Variants in FAAP100 observed in about 807,000 individuals in gnomAD.
FAAP100 encodes FA core complex associated protein 100, also known as Fanconi anemia core complex-associated protein 100.
Under a neutral mutation model 65.8 loss-of-function variants are expected in FAAP100, and 46 were observed. That is an observed-to-expected ratio of 0.70 (90% CI 0.55 to 0.89). FAAP100 has a LOEUF of 0.89. FAAP100 is among the 40% of genes least tolerant of loss of function. The pLI is 0.00. For missense variants in FAAP100, 1,165 were observed against 1,196.7 expected (o/e 0.97, Z 0.39); for synonymous variants, 663 against 555.1 (o/e 1.19, Z -2.73).
intron 3 of FAAP100, among the ~76,000 whole-genome samples, chr17:81,549,746 G>A (rs1182599505): frequency 1.3e-5 from 2 of 152,318 alleles, no homozygotes; most frequent in East Asian, 1.9e-4. Context: ...CCAACACTGG[G>A]CACACACAGC....
chr17:81,542,816 G>A (rs1394424094), intron 7 of FAAP100, among the ~76,000 whole-genome samples: 1 of 152,220 alleles, frequency 6.6e-6, no homozygotes, highest in African/African-American at 2.4e-5. Flanking sequence ...GGGATATCTG[G>A]ACACAAACCC....
chr17:81,551,565 G>A (rs2033495845), intron 2 of FAAP100, among the ~76,000 whole-genome samples: 1 of 152,212 alleles, frequency 6.6e-6, no homozygotes, highest in African/African-American at 2.4e-5. Context: ...CAACCCAGAT[G>A]GTGTCCACTG....
intron 6 of FAAP100, 80 bp from the exon 7 acceptor site, chr17:81,544,200 C>G: frequency 8.3e-7 from 1 of 1,201,728 alleles, no homozygotes; most frequent in South Asian, 1.3e-5. Flanking sequence ...AGGAGCCTCC[C>G]CAGCTGGCAG....
At position 81,540,318 on chromosome 17, in the gene FAAP100, C is replaced by T. The variant is rs1568087958; in HGVS notation, c.*501G>A. On this transcript the variant is annotated 3_prime_UTR_variant, in exon 9 of 9. Transcript: ENST00000327787. ...GAGTGGGCAGCCGGGCAGGTGTGAACAGTGTGACAAGGGTACCGTGGGGCA... is the reference window on the plus strand; with the variant it reads ...GAGTGGGCAGCCGGGCAGGTGTGAATAGTGTGACAAGGGTACCGTGGGGCA... The T allele has an allele frequency of 7.5e-6, 3 of 399,730 alleles. No individual in the cohort carries two copies. The highest frequency in any genetic ancestry group is 1.3e-5 in the Non-Finnish European group (3 of 226,706). The allele number at this position is 399,730 out of a possible 1,614,324, so 24.8% of individuals were successfully genotyped here.
chr17:81,550,196 A>C, intron 3 of FAAP100, 52 bp downstream of exon 3: 2 of 1,495,394 alleles, frequency 1.3e-6, no homozygotes, highest in Non-Finnish European at 1.8e-6. Flanking sequence ...GACAGCCAAA[A>C]AGGGTGCTCC....
intron 7 of FAAP100, among the ~76,000 whole-genome samples, chr17:81,541,716 T>G (rs1210766526): frequency 6.6e-6 from 1 of 152,070 alleles, no homozygotes; most frequent in African/African-American, 2.4e-5. Flanking sequence ...CGCCCCCTTC[T>G]CCCATCCTGG....
At position 81,547,090 on chromosome 17, in the gene FAAP100, C is replaced by G; in HGVS notation, c.1992G>C (p.Arg664=). The G allele has an allele frequency of 2.6e-6, 4 of 1,533,272 alleles. No individual in the cohort carries two copies. The highest frequency in any genetic ancestry group is 3.5e-6 in the Non-Finnish European group (4 of 1,140,262). The allele number at this position is 1,533,272 out of a possible 1,614,324, so 95.0% of individuals were successfully genotyped here. A position where few individuals can be genotyped will look rare whatever the true frequency, so the allele number is the denominator to read the frequency against. The change falls in exon 5 of 9, where the codon CGG becomes CGC. Residue 664 remains arginine (R), a synonymous_variant. Transcript: ENST00000327787. ...GGGTGGGGCCGAGTGGGGAGGGGGC[C>G]CGTGTGTGTGGCGGGGCCAGGCCAG... ...RFPGLAPPHT[R]APSPLGPTRD...
chr17:81,545,198 G>A (rs2033255729), intron 6 of FAAP100, among the ~76,000 whole-genome samples: 1 of 152,218 alleles, frequency 6.6e-6, no homozygotes, highest in Non-Finnish European at 1.5e-5. Context: ...TGCAGACTCT[G>A]AGCCCCAGGC....
intron 4 of FAAP100, 72 bp downstream of exon 4, chr17:81,549,134 A>AC (rs1934963994): frequency 1.9e-6 from 3 of 1,550,626 alleles, no homozygotes; most frequent in Non-Finnish European, 2.6e-6. Context: ...ACCCAGGACG[A>AC]CCCCACACAG....
chr17:81,551,453 C>T (rs1455381484), intron 2 of FAAP100, among the ~76,000 whole-genome samples: 4 of 152,350 alleles, frequency 2.6e-5, no homozygotes, highest in African/African-American at 9.6e-5. Context: ...GAGGCCCAGG[C>T]TGCAAAGTGC....
chr17:81,546,022 A>G, intron 5 of FAAP100, 140 bp from the exon 6 acceptor site: 3 of 1,186,958 alleles, frequency 2.5e-6, no homozygotes, highest in East Asian at 5.6e-5. Context: ...CCCCAGCCCC[A>G]CCCTAAGCTG....
rs764780506 is a variant in FAAP100, at chr17:81,550,975, C to T, written c.519G>A (p.Val173=). The change falls in exon 3 of 9, where the codon GTG becomes GTA. Residue 173 remains valine, a synonymous_variant. Coordinates refer to ENST00000327787, the MANE Select transcript of FAAP100 (RefSeq NM_025161.6). ...DPRPGGQIGE[V]ELSSYTPPAG... ...CTGGGGGCGTGTAGGAGGACAGCTC[C>T]ACCTCACCGATCTGGCCTCCTGGCC... 1 of 1,612,024 alleles carries T rather than the reference C, an allele frequency of 6.2e-7. No homozygotes were observed.
At chr17:81,549,492 G>C in intron 3 of FAAP100, 130 bp from the exon 4 acceptor site, 3 of 1,222,604 alleles carry the variant, frequency 2.5e-6, no homozygotes, top group Non-Finnish European at 3.3e-6. Context: ...GTGAGGAAGA[G>C]AAAGTCCCAA....
In FAAP100 at chr17:81,550,709, C is replaced by G; in HGVS notation, c.785G>C (p.Arg262Thr). The change falls in exon 3 of 9, where the codon AGG (arginine) becomes ACG (threonine). Residue 262 changes from arginine to threonine, a missense_variant. Arg to Thr is a moderately conservative substitution (Grantham distance 71). Transcript: ENST00000327787. ...GGCATTTGGGTCACCAGGGGCTGAC[C>G]TGGAGGTGACCAGGGCCTTCAGGAT... ...CVILKALVTS[R>T]SAPGDPNALV... The G allele has an allele frequency of 6.2e-7, 1 of 1,612,956 alleles. No individual in the cohort carries two copies. Among genetic ancestry groups the G allele is most frequent in the Middle Eastern group, 1.6e-4 (1 of 6,062 alleles).
chr17:81,543,602 G>A (rs1237845168), intron 7 of FAAP100, among the ~76,000 whole-genome samples: 1 of 152,144 alleles, frequency 6.6e-6, no homozygotes, highest in Non-Finnish European at 1.5e-5. Flanking sequence ...AAGATGTGGA[G>A]GCTCCTACCA....
intron 3 of FAAP100, among the ~76,000 whole-genome samples, chr17:81,549,587 G>A (rs893848687): frequency 2.6e-5 from 4 of 152,182 alleles, no homozygotes; most frequent in Non-Finnish European, 5.9e-5. Flanking sequence ...CCTCTCTTCC[G>A]CAGTGGAGAC....
chr17:81,549,517 C>T (rs1161321919), intron 3 of FAAP100, among the ~76,000 whole-genome samples, 155 bp from the exon 4 acceptor site: 1 of 152,260 alleles, frequency 6.6e-6, no homozygotes, highest in Admixed American at 6.5e-5. Context: ...AATGCACTGT[C>T]CCGACCCTGG....
In FAAP100 at chr17:81,544,011, C is replaced by A. The variant is rs553527803; in HGVS notation, c.2420G>T (p.Arg807Leu). 6.2e-7 allele frequency: 1 copy of A among 1,611,272 alleles called. No individual in the cohort carries two copies. Among genetic ancestry groups the A allele is most frequent in the Non-Finnish European group, 8.5e-7 (1 of 1,178,930 alleles). ...CCCAGCGGGCCGACATACCTGCATG[C>A]GCCCGACAACGGCATGGTGCGCCCT... is the stretch of plus-strand genomic sequence containing the variant. The part of the protein sequence containing the change: ...ICRAHHAVVG[R>L]MQTMVTEQAT... The change falls in exon 7 of 9, where the codon CGC becomes CTC. Residue 807 changes from arginine (R) to leucine (L), a missense_variant. Coordinates refer to ENST00000327787, the MANE Select transcript of FAAP100 (RefSeq NM_025161.6).
chr17:81,548,165 C>T (rs571358413), intron 4 of FAAP100: 4 of 595,638 alleles, frequency 6.7e-6, no homozygotes, highest in South Asian at 2.0e-5. Context: ...ACAGGCCCCT[C>T]GCTCTCGGGA....
Sources: allele counts gnomAD v4.1 joint callset (sites outside exome capture counted in the v4.1 genomes callset), GRCh38; gene constraint gnomAD v4.1.1; transcripts MANE v1.5; gene names NCBI Gene and HGNC (gene_info 2026-07-23, HGNC 2026-07-21).